SGCD: variants seen among roughly 807,000 people sequenced by gnomAD.
SGCD encodes delta-sarcoglycan.
In SGCD, 18 loss-of-function variants were observed where a neutral mutation model predicts 36.6. The observed-to-expected ratio is 0.49, with a 90% CI of 0.34 to 0.73. The LOEUF is 0.73. Ranked by LOEUF, SGCD falls within the 30% of genes least tolerant of loss-of-function variation. SGCD has a pLI of 0.01. For missense variants in SGCD, 387 were observed against 346.7 expected, an observed-to-expected ratio of 1.12 and a Z score of -0.92; for synonymous variants, 133 against 130.6, an observed-to-expected ratio of 1.02 and a Z score of -0.12.
chr5:156,686,233 A>G (rs1011611927), intron 7 of SGCD, among the ~76,000 whole-genome samples: 11 of 152,140 alleles, frequency 7.2e-5, no homozygotes, highest in African/African-American at 2.2e-4. Flanking sequence ...TATTAATCCA[A>G]GGTCATATTG....
intron 7 of SGCD, among the ~76,000 whole-genome samples, chr5:156,709,847 G>A (rs1400651209): frequency 6.2e-5 from 5 of 80,502 alleles, no homozygotes; most frequent in South Asian, 8.9e-4. Context: ...CCCCGACGCC[G>A]CCACCCTCCC....
At chr5:156,159,437 C>T (rs1291513674) in intron 3 of SGCD, among the ~76,000 whole-genome samples, 1 of 151,354 alleles carries the variant, frequency 6.6e-6, no homozygotes, top group Non-Finnish European at 1.5e-5. Context: ...ATTTGAGTCT[C>T]AGCCAGGATA....
At chr5:155,824,826 T>C in the SGCD span, among the ~76,000 whole-genome samples, 4 of 152,208 alleles carry the variant, frequency 2.6e-5, no homozygotes, top group African/African-American at 9.6e-5. Flanking sequence ...CCACTTACTA[T>C]AGGTCATTTT....
At chr5:156,026,293 G>T (rs914557657) in intron 1 of SGCD, among the ~76,000 whole-genome samples, 2 of 152,146 alleles carry the variant, frequency 1.3e-5, no homozygotes, top group African/African-American at 4.8e-5. Context: ...TATCATCAAT[G>T]TTACAGTGTA....
chr5:155,742,706 A>G, the SGCD span, among the ~76,000 whole-genome samples: 1 of 152,274 alleles, frequency 6.6e-6, no homozygotes, highest in Non-Finnish European at 1.5e-5. Flanking sequence ...GTGTCCTATA[A>G]TTCAGTTCTC....
At chr5:156,346,034 C>T (rs1443542817) in intron 3 of SGCD, among the ~76,000 whole-genome samples, 1 of 151,964 alleles carries the variant, frequency 6.6e-6, no homozygotes, top group Non-Finnish European at 1.5e-5. Flanking sequence ...ATTTCCCAGA[C>T]AAACTGAACT....
chr5:156,010,764 A>T (rs1758844818), intron 1 of SGCD, among the ~76,000 whole-genome samples: 1 of 152,224 alleles, frequency 6.6e-6, no homozygotes. Flanking sequence ...AAATTAACTT[A>T]CTTATCCAAG....
chr5:156,491,507 T>G (rs115135229), intron 3 of SGCD, among the ~76,000 whole-genome samples: 2,617 of 152,210 alleles, frequency 0.017, 62 homozygotes, highest in African/African-American at 0.06. Flanking sequence ...ACCAGTGTAG[T>G]AGAATAGAGA....
intron 4 of SGCD, among the ~76,000 whole-genome samples, chr5:156,538,493 G>A (rs182842030): frequency 3.9e-5 from 6 of 152,146 alleles, no homozygotes; most frequent in African/African-American, 1.4e-4. Context: ...TGCTCCCAGA[G>A]CTCTATGATT....
intron 7 of SGCD, among the ~76,000 whole-genome samples, chr5:156,711,224 G>A (rs931920769): frequency 6.6e-6 from 1 of 151,994 alleles, no homozygotes; most frequent in Non-Finnish European, 1.5e-5. Context: ...GTTCTTTGGG[G>A]GGCTTAGAAT....
At chr5:155,996,162 G>T (rs1158494022) in intron 1 of SGCD, among the ~76,000 whole-genome samples, 1 of 152,036 alleles carries the variant, frequency 6.6e-6, no homozygotes. Flanking sequence ...AGGTTCAGGT[G>T]CAGGTTTGTT....
chr5:156,399,619 A>C (rs1033479300), intron 3 of SGCD, among the ~76,000 whole-genome samples: 2 of 152,162 alleles, frequency 1.3e-5, no homozygotes, highest in African/African-American at 4.8e-5. Flanking sequence ...CCCTTAGTTA[A>C]GACAACGAAG....
chr5:156,278,171 A>G (rs1033254488), intron 3 of SGCD, among the ~76,000 whole-genome samples: 28 of 152,140 alleles, frequency 1.8e-4, no homozygotes, highest in Admixed American at 1.8e-3. Flanking sequence ...GAGAAACTGA[A>G]AGGTCAGTGG....
At chr5:156,132,345 T>A (rs1561532793) in intron 3 of SGCD, among the ~76,000 whole-genome samples, 1 of 152,008 alleles carries the variant, frequency 6.6e-6, no homozygotes, top group Non-Finnish European at 1.5e-5. Context: ...GAAGTCCTAA[T>A]ATTCATGTGG....
At chr5:155,798,148 T>G in the SGCD span, among the ~76,000 whole-genome samples, 2 of 152,220 alleles carry the variant, frequency 1.3e-5, no homozygotes, top group Admixed American at 1.3e-4. Flanking sequence ...ACAGATTCCA[T>G]ACACTTCTTC....
intron 7 of SGCD, among the ~76,000 whole-genome samples, chr5:156,731,111 G>C (rs1756038070): frequency 6.6e-6 from 1 of 151,650 alleles, no homozygotes; most frequent in Non-Finnish European, 1.5e-5. Flanking sequence ...ATCTGACAAA[G>C]GTCTATAATA....
chr5:156,408,680 G>T (rs544424595), intron 3 of SGCD, among the ~76,000 whole-genome samples: 14 of 152,224 alleles, frequency 9.2e-5, no homozygotes, highest in Non-Finnish European at 1.8e-4. Context: ...TTTCATGTGC[G>T]TATCACCCCT....
chr5:155,759,459 A>G, the SGCD span, among the ~76,000 whole-genome samples: 3 of 152,148 alleles, frequency 2.0e-5, no homozygotes, highest in African/African-American at 4.8e-5. Context: ...GTAAGCATTT[A>G]TATTTATTAA....
intron 3 of SGCD, among the ~76,000 whole-genome samples, chr5:156,240,102 T>C (rs1018974790): frequency 1.3e-5 from 2 of 152,226 alleles, no homozygotes; most frequent in African/African-American, 4.8e-5. Context: ...TGTGTGCTAA[T>C]GTGAGCCCAG....
Sources: allele counts gnomAD v4.1 joint callset (sites outside exome capture counted in the v4.1 genomes callset), GRCh38; gene constraint gnomAD v4.1.1; transcripts MANE v1.5; gene names NCBI Gene and HGNC (gene_info 2026-07-23, HGNC 2026-07-21).